Variants in PDE1A observed in about 807,000 individuals in gnomAD.
PDE1A encodes the protein phosphodiesterase 1A.
Under a neutral mutation model 61.7 loss-of-function variants are expected in PDE1A, and 35 were observed. The ratio of observed to expected loss-of-function variants is 0.57; its 90% CI spans 0.43 to 0.75. PDE1A has a LOEUF of 0.75. Among genes scored for constraint, PDE1A ranks in the 30% least tolerant of loss-of-function variants. The probability of loss-of-function intolerance (pLI) is 0.00; values close to 1 mark genes in which losing one functional copy is unlikely to be tolerated. For synonymous variants in PDE1A, 232 were observed against 213.2 expected (o/e 1.09, Z -0.77); for missense variants, 597 against 630.6 (o/e 0.95, Z 0.57).
intron 2 of PDE1A, among the ~76,000 whole-genome samples, chr2:182,248,156 C>T (rs1691122177): frequency 6.6e-6 from 1 of 150,936 alleles, no homozygotes; most frequent in South Asian, 2.1e-4. Flanking sequence ...ACTGGGGAGG[C>T]TGAGACAGGA....
chr2:182,459,048 A>C (rs75194106), intron 2 of PDE1A, among the ~76,000 whole-genome samples: 24 of 151,914 alleles, frequency 1.6e-4, no homozygotes, highest in Non-Finnish European at 2.8e-4. Context: ...ATCTGTTGCC[A>C]TAACTCATGA....
chr2:182,700,750 A>AAAAAAAAAAAAAC, the PDE1A span, among the ~76,000 whole-genome samples: 1 of 144,680 alleles, frequency 6.9e-6, no homozygotes, highest in African/African-American at 2.6e-5. Flanking sequence ...ACAGAAAGAA[A>AAAAAAAAAAAAAC]AGAAAAAGAA....
chr2:182,270,503 T>A (rs941510150), intron 1 of PDE1A, among the ~76,000 whole-genome samples: 1 of 151,952 alleles, frequency 6.6e-6, no homozygotes, highest in South Asian at 2.1e-4. Context: ...TTTTAAATTT[T>A]AGGATACAAA....
chr2:182,167,862 G>T, downstream of PDE1A: 1 of 1,004,174 alleles, frequency 1.0e-6, no homozygotes, highest in Non-Finnish European at 1.2e-6. Flanking sequence ...CATTTTTGAC[G>T]TTTAGAAAAG....
the PDE1A span, among the ~76,000 whole-genome samples, chr2:182,529,013 G>A: frequency 6.6e-6 from 1 of 152,218 alleles, no homozygotes; most frequent in Non-Finnish European, 1.5e-5. Flanking sequence ...GAAGGGAAAT[G>A]TGGGGTTGAA....
At chr2:182,645,877 T>C in the PDE1A span, among the ~76,000 whole-genome samples, 1 of 152,204 alleles carries the variant, frequency 6.6e-6, no homozygotes, top group Non-Finnish European at 1.5e-5. Context: ...AGGTAAATTA[T>C]TATTCATGTT....
intron 2 of PDE1A, among the ~76,000 whole-genome samples, chr2:182,478,845 G>T (rs1687531459): frequency 6.6e-6 from 1 of 151,890 alleles, no homozygotes; most frequent in African/African-American, 2.4e-5. Flanking sequence ...AAATGAAGGG[G>T]TTATAAATCT....
chr2:182,392,198 A>G (rs1467736643), intron 1 of PDE1A, among the ~76,000 whole-genome samples: 1 of 152,212 alleles, frequency 6.6e-6, no homozygotes, highest in African/African-American at 2.4e-5. Context: ...ACAGTACCAT[A>G]TGGCTGAAGT....
At chr2:182,399,296 T>G (rs1361511278) in intron 1 of PDE1A, among the ~76,000 whole-genome samples, 1 of 151,978 alleles carries the variant, frequency 6.6e-6, no homozygotes, top group Non-Finnish European at 1.5e-5. Context: ...CATGCATAGA[T>G]TAATGTGTCA....
At chr2:182,177,353 AC>A (rs1185288678) in intron 13 of PDE1A, among the ~76,000 whole-genome samples, 1 of 151,782 alleles carries the variant, frequency 6.6e-6, no homozygotes, top group Non-Finnish European at 1.5e-5. Context: ...GATTATTGCC[AC>A]AATTTCAGAT....
At chr2:182,646,897 C>T in the PDE1A span, among the ~76,000 whole-genome samples, 5 of 152,136 alleles carry the variant, frequency 3.3e-5, no homozygotes, top group Non-Finnish European at 5.9e-5. Flanking sequence ...TAAATTTAGC[C>T]ATCAGGCTCT....
At chr2:182,162,480 C>A (rs1396848615) in intron 13 of PDE1A, among the ~76,000 whole-genome samples, 2 of 152,294 alleles carry the variant, frequency 1.3e-5, no homozygotes, top group East Asian at 3.9e-4. Context: ...CAAATCTTGA[C>A]AACAGGGAAT....
At chr2:182,315,547 T>C (rs1304928419) in intron 1 of PDE1A, among the ~76,000 whole-genome samples, 2 of 152,240 alleles carry the variant, frequency 1.3e-5, no homozygotes, top group African/African-American at 4.8e-5. Flanking sequence ...AAAGAAGAGT[T>C]ACTTCTGGGC....
chr2:182,465,490 C>G (rs568425583), intron 2 of PDE1A, among the ~76,000 whole-genome samples: 18 of 151,878 alleles, frequency 1.2e-4, no homozygotes, highest in Non-Finnish European at 2.1e-4. Context: ...CCTAATGAAC[C>G]ACAGGAATTA....
intron 1 of PDE1A, among the ~76,000 whole-genome samples, chr2:182,268,393 A>G (rs924679152): frequency 1.3e-5 from 2 of 152,092 alleles, no homozygotes; most frequent in Non-Finnish European, 1.5e-5. Context: ...TAGTACATAT[A>G]TAAGAATACA....
intron 2 of PDE1A, among the ~76,000 whole-genome samples, chr2:182,473,547 C>T (rs1687168522): frequency 6.6e-6 from 1 of 151,720 alleles, no homozygotes; most frequent in Non-Finnish European, 1.5e-5. Context: ...CATAGGTAAA[C>T]GTGTGTCATG....
chr2:182,237,415 T>G (rs920401738), intron 3 of PDE1A, among the ~76,000 whole-genome samples: 1 of 151,594 alleles, frequency 6.6e-6, no homozygotes, highest in Non-Finnish European at 1.5e-5. Flanking sequence ...GAGGCGGAGG[T>G]TGCAGTAAAC....
the PDE1A span, among the ~76,000 whole-genome samples, chr2:182,593,963 T>A: frequency 1.3e-5 from 2 of 152,220 alleles, no homozygotes; most frequent in African/African-American, 2.4e-5. Context: ...TCACTTCTTC[T>A]ATCCAGAAGT....
chr2:182,445,557 T>A (rs1685080803), intron 2 of PDE1A, among the ~76,000 whole-genome samples: 1 of 152,036 alleles, frequency 6.6e-6, no homozygotes, highest in Non-Finnish European at 1.5e-5. Flanking sequence ...TTTATGCCAA[T>A]AAAAATTAAA....
Sources: allele counts gnomAD v4.1 joint callset (sites outside exome capture counted in the v4.1 genomes callset), GRCh38; gene constraint gnomAD v4.1.1; transcripts MANE v1.5; gene names NCBI Gene and HGNC (gene_info 2026-07-23, HGNC 2026-07-21).